IPCEF1: variants seen among roughly 807,000 people sequenced by gnomAD.
The protein encoded by IPCEF1 is interactor protein for cytohesin exchange factors 1.
IPCEF1 carries 31 observed loss-of-function variants against 50.9 expected under a neutral mutation model. That is an observed-to-expected ratio of 0.61 (90% confidence interval 0.46 to 0.82). The LOEUF (loss-of-function observed/expected upper bound fraction) is 0.82, where lower values mean the gene tolerates loss of function less well. IPCEF1 is among the 40% of genes least tolerant of loss of function. The pLI, the probability that IPCEF1 is intolerant of heterozygous loss-of-function variation, is 0.00. For missense variants in IPCEF1, 458 were observed against 514.0 expected (o/e 0.89, Z 1.05); for synonymous variants, 181 against 192.0 (o/e 0.94, Z 0.47).
chr6:154,299,851 A>T lies in IPCEF1; in HGVS notation c.-61-10095T>A, dbSNP rs576333148. 2.8e-5 allele frequency among the ~76,000 whole-genome samples: 4 copies of T among 141,254 alleles called. 1 individual carries two copies. The highest frequency in any genetic ancestry group is 2.2e-4 in the South Asian group (1 of 4,522). The allele number at this position is 141,254 out of a possible 152,430, so 92.7% of individuals were successfully genotyped here. ...ATAAAGCAAATACCATAAAATGTTT[A>T]AAAAAAGAAAAGAAAAAAGAAAGTA... On this transcript the variant is annotated intron_variant, in intron 1 of 11. Transcript: ENST00000367220.
At chr6:154,340,827 G>A (rs1055859387) in intron 1 of IPCEF1, among the ~76,000 whole-genome samples, 2 of 150,720 alleles carry the variant, frequency 1.3e-5, no homozygotes, top group East Asian at 3.9e-4. Context: ...AGAGGTTGCG[G>A]TGAGCAAAGA....
chr6:154,273,724 CTTTTTTTTTTTTTTTTTTTTTT>C lies in IPCEF1; in HGVS notation c.-17-7782_-17-7761del, dbSNP rs71021036. Among the ~76,000 whole-genome samples the C allele has an allele frequency of 6.9e-4, 44 of 63,318 alleles. 1 individual carries two copies. The highest frequency in any genetic ancestry group is 1.8e-3 in the East Asian group (4 of 2,220). 41.5% of individuals were successfully genotyped at this position (63,318 alleles called of 152,430 possible). On this transcript the variant is annotated intron_variant, in intron 2 of 11. Coordinates refer to ENST00000367220, the MANE Select transcript of IPCEF1 (RefSeq NM_001130700.2). ...TCTTTTTTTCTTTCTTTCTTTCTTT[CTTTTTTTTTTTTTTTTTTTTTT>C]TTTTTTTTTTTTTTTTTTTTTTTTT...
chr6:154,339,900 T>A (rs748647166), intron 1 of IPCEF1, among the ~76,000 whole-genome samples: 1 of 151,850 alleles, frequency 6.6e-6, no homozygotes, highest in Non-Finnish European at 1.5e-5. Context: ...CCTGGCCAAG[T>A]GATAATTTAA....
At chr6:154,218,086 C>T (rs1014192790) in intron 7 of IPCEF1, among the ~76,000 whole-genome samples, 1 of 152,094 alleles carries the variant, frequency 6.6e-6, no homozygotes, top group African/African-American at 2.4e-5. Flanking sequence ...TTGCTAAGAA[C>T]TTTTTTTAAA....
chr6:154,232,170 G>A (rs1779773952), intron 5 of IPCEF1, among the ~76,000 whole-genome samples: 1 of 152,040 alleles, frequency 6.6e-6, no homozygotes, highest in African/African-American at 2.4e-5. Context: ...AAGGAAATAC[G>A]AAGATTAGCA....
intron 1 of IPCEF1, among the ~76,000 whole-genome samples, chr6:154,320,667 G>A (rs944957746): frequency 3.3e-4 from 50 of 152,180 alleles, no homozygotes; most frequent in Middle Eastern, 3.4e-3. Context: ...AGGATTGAAC[G>A]TACCAATTGT....
chr6:154,297,362 G>A (rs968066679), intron 1 of IPCEF1, among the ~76,000 whole-genome samples: 7 of 152,090 alleles, frequency 4.6e-5, no homozygotes, highest in African/African-American at 1.4e-4. Context: ...CTTTCTAGGT[G>A]TTTGGTCCTT....
At chr6:154,332,464 T>A (rs1783695728) in intron 1 of IPCEF1, among the ~76,000 whole-genome samples, 1 of 152,168 alleles carries the variant, frequency 6.6e-6, no homozygotes, top group South Asian at 2.1e-4. Flanking sequence ...AATACTTACC[T>A]GGTAGTTTAA....
intron 1 of IPCEF1, among the ~76,000 whole-genome samples, chr6:154,324,397 C>T (rs1345074360): frequency 6.6e-6 from 1 of 152,040 alleles, no homozygotes; most frequent in Non-Finnish European, 1.5e-5. Flanking sequence ...AAGACCCCAT[C>T]TCTATTTGAA....
chr6:154,247,595 CT>C (rs1368034095), intron 3 of IPCEF1, 107 bp from the exon 4 acceptor site: 6 of 891,010 alleles, frequency 6.7e-6, no homozygotes, highest in Non-Finnish European at 5.2e-6. Flanking sequence ...AGGATGGAAT[CT>C]AAAAAAAAAC....
chr6:154,200,601 G>T (rs1046133628), intron 9 of IPCEF1, among the ~76,000 whole-genome samples: 1 of 151,984 alleles, frequency 6.6e-6, no homozygotes, highest in African/African-American at 2.4e-5. Context: ...CGCACCTGTA[G>T]TCCCAGCTAT....
At chr6:154,210,068 T>A (rs1376453561) in intron 9 of IPCEF1, among the ~76,000 whole-genome samples, 1 of 152,172 alleles carries the variant, frequency 6.6e-6, no homozygotes, top group East Asian at 1.9e-4. Context: ...GTGCATCAGG[T>A]TAGACTGTCA....
chr6:154,193,042 CA>C (rs770227416), intron 10 of IPCEF1, among the ~76,000 whole-genome samples: 4 of 152,140 alleles, frequency 2.6e-5, no homozygotes, highest in Non-Finnish European at 5.9e-5. Context: ...GAAAAGAAGT[CA>C]TTATACGAAG....
At chr6:154,316,791 A>G (rs1235272362) in intron 1 of IPCEF1, among the ~76,000 whole-genome samples, 1 of 152,226 alleles carries the variant, frequency 6.6e-6, no homozygotes, top group Non-Finnish European at 1.5e-5. Context: ...ATGAGTATGT[A>G]AGATTAGACA....
chr6:154,314,540 C>G (rs1783164254), intron 1 of IPCEF1, among the ~76,000 whole-genome samples: 1 of 150,278 alleles, frequency 6.7e-6, no homozygotes, highest in African/African-American at 2.4e-5. Flanking sequence ...CTTGCCCTTC[C>G]TCTTGTGTTT....
intron 2 of IPCEF1, among the ~76,000 whole-genome samples, chr6:154,285,032 C>T (rs975430862): frequency 2.6e-5 from 4 of 152,088 alleles, no homozygotes; most frequent in African/African-American, 9.7e-5. Flanking sequence ...CAGAGTTACT[C>T]GAGAGTTAAT....
chr6:154,255,788 A>T (rs913350957), intron 3 of IPCEF1, among the ~76,000 whole-genome samples: 1 of 152,072 alleles, frequency 6.6e-6, no homozygotes, highest in African/African-American at 2.4e-5. Context: ...CTTTTTTGAA[A>T]GTGTCCAATG....
chr6:154,322,479 T>G (rs1285485956), intron 1 of IPCEF1, among the ~76,000 whole-genome samples: 1 of 151,880 alleles, frequency 6.6e-6, no homozygotes, highest in Non-Finnish European at 1.5e-5. Flanking sequence ...CATTAACCAA[T>G]GTAATAAAAT....
At chr6:154,332,142 A>G (rs1310346507) in intron 1 of IPCEF1, among the ~76,000 whole-genome samples, 30 of 152,152 alleles carry the variant, frequency 2.0e-4, no homozygotes, top group Admixed American at 2.0e-3. Flanking sequence ...AAAAAGTGCA[A>G]TTCTCACCAA....
Sources: gnomAD v4.1 joint callset for allele counts (sites outside exome capture counted in the v4.1 genomes callset) on GRCh38, gnomAD v4.1.1 for gene constraint, MANE v1.5 for transcripts, NCBI Gene and HGNC (gene_info 2026-07-23, HGNC 2026-07-21) for gene names.